Variants in CSMD1 observed in about 807,000 individuals in gnomAD.
The protein encoded by CSMD1 is CUB and Sushi multiple domains 1.
In CSMD1, 213 loss-of-function variants were observed where a neutral mutation model predicts 417.5. The ratio of observed to expected loss-of-function variants is 0.51; its 90% CI spans 0.46 to 0.57. The LOEUF is 0.57. CSMD1 is among the 20% of genes least tolerant of loss of function. The pLI, the probability that CSMD1 is intolerant of heterozygous loss-of-function variation, is 0.00. For synonymous variants in CSMD1, 2,862 were observed against 1,736.8 expected (o/e 1.65, Z -16.11); for missense variants, 6,923 against 4,529.7 (o/e 1.53, Z -15.17).
intron 1 of CSMD1, among the ~76,000 whole-genome samples, chr8:4,941,396 G>A (rs1807990908): frequency 6.6e-6 from 1 of 152,090 alleles, no homozygotes; most frequent in African/African-American, 2.4e-5. Flanking sequence ...GATGGTCTAA[G>A]ATATTTGTGA....
chr8:3,423,915 T>C (rs73657896), intron 12 of CSMD1, among the ~76,000 whole-genome samples: 2,323 of 152,206 alleles, frequency 0.015, 68 homozygotes, highest in African/African-American at 0.053. Flanking sequence ...GACCCTCAAA[T>C]AAACACACAC....
At chr8:4,842,026 AG>A (rs1241914136) in intron 1 of CSMD1, among the ~76,000 whole-genome samples, 1 of 151,874 alleles carries the variant, frequency 6.6e-6, no homozygotes, top group Non-Finnish European at 1.5e-5. Context: ...CAATTTTTCA[AG>A]GGAGCTGAGA....
intron 12 of CSMD1, among the ~76,000 whole-genome samples, chr8:3,456,923 G>GA (rs1816186406): frequency 6.6e-6 from 1 of 151,882 alleles, no homozygotes; most frequent in South Asian, 2.1e-4. Context: ...CTTCATGCTG[G>GA]AGCCCTCCTG....
At chr8:4,816,176 A>G (rs986757566) in intron 1 of CSMD1, among the ~76,000 whole-genome samples, 1 of 150,030 alleles carries the variant, frequency 6.7e-6, no homozygotes, top group Non-Finnish European at 1.5e-5. Flanking sequence ...TGGTCACTAA[A>G]TCACACTTGT....
intron 50 of CSMD1, among the ~76,000 whole-genome samples, chr8:3,040,639 C>A (rs1214893819): frequency 6.6e-6 from 1 of 151,874 alleles, no homozygotes; most frequent in African/African-American, 2.4e-5. Context: ...CCCGTCTCTA[C>A]TAAAAATACA....
intron 10 of CSMD1, among the ~76,000 whole-genome samples, chr8:3,525,263 A>G (rs983503887): frequency 6.6e-6 from 1 of 152,172 alleles, no homozygotes; most frequent in African/African-American, 2.4e-5. Context: ...GGTCCTTAAA[A>G]GCACTCAGGA....
At chr8:4,037,090 G>C (rs1355889650) in intron 3 of CSMD1, among the ~76,000 whole-genome samples, 1 of 151,954 alleles carries the variant, frequency 6.6e-6, no homozygotes. Flanking sequence ...ACCCAAAACT[G>C]GAATAATTGG....
rs186002292 is a variant in CSMD1 at position 3,842,294 on chromosome 8, T to C, written c.819-88252A>G. On this transcript the variant is annotated intron_variant, in intron 5 of 69. Transcript: ENST00000635120. ...AATCTTCTTATGAGGTTCTTTCACT[T>C]TTCATTCCAGTAGTTTCTATTGGTA... Among the ~76,000 whole-genome samples, 6 of 152,238 alleles carry C rather than the reference T, an allele frequency of 3.9e-5. No homozygotes were observed. In the East Asian group the frequency reaches 1.2e-3, roughly 29 times the overall value.
chr8:3,553,237 T>A (rs962324396), intron 10 of CSMD1, among the ~76,000 whole-genome samples: 2 of 152,174 alleles, frequency 1.3e-5, no homozygotes, highest in African/African-American at 4.8e-5. Context: ...CTAGGTAGGC[T>A]TTCAGTAATG....
chr8:3,482,795 G>A (rs1367787149), intron 11 of CSMD1, among the ~76,000 whole-genome samples: 1 of 151,910 alleles, frequency 6.6e-6, no homozygotes, highest in Admixed American at 6.6e-5. Context: ...TGATCACAAA[G>A]GAATCAAACT....
At chr8:4,733,841 C>T (rs370045933) in intron 1 of CSMD1, among the ~76,000 whole-genome samples, 7 of 152,120 alleles carry the variant, frequency 4.6e-5, no homozygotes, top group African/African-American at 1.2e-4. Flanking sequence ...TATCACTGAC[C>T]ATTACAAGAA....
rs1203485949 is a variant in CSMD1, at chr8:4,092,309, G to C, written c.416-60210C>G. On this transcript the variant is annotated intron_variant, in intron 3 of 69. Transcript: ENST00000635120. The stretch of plus-strand genomic sequence containing the variant: ...GGAAACCCGAGGGCAACATTTCCTG[G>C]CTTCGTCCTTTCCTGTGTCTGATGC... Among the ~76,000 whole-genome samples the C allele has an allele frequency of 3.3e-5, 5 of 152,194 alleles. No individual in the cohort carries two copies. The South Asian group carries it at 1.0e-3, about 32-fold the overall frequency.
chr8:3,342,945 T>C (rs1387318650), intron 23 of CSMD1, among the ~76,000 whole-genome samples: 1 of 152,026 alleles, frequency 6.6e-6, no homozygotes, highest in Admixed American at 6.6e-5. Flanking sequence ...TCCGGTTGTA[T>C]CAAACATCTC....
rs557997824 is a variant in CSMD1, at chr8:4,267,136, T to C, written c.415+152817A>G. 4.2e-4 allele frequency among the ~76,000 whole-genome samples: 43 copies of C among 103,370 alleles called. 10 individuals are homozygous for C. Among genetic ancestry groups the C allele is most frequent in the African/African-American group, 1.1e-3 (43 of 38,274 alleles). The allele number at this position is 103,370 out of a possible 152,430, so 67.8% of individuals were successfully genotyped here. A position where few individuals can be genotyped will look rare whatever the true frequency, so the allele number is the denominator to read the frequency against. On this transcript the variant is annotated intron_variant, in intron 3 of 69. Coordinates refer to ENST00000635120, the MANE Select transcript of CSMD1 (RefSeq NM_033225.6). ...TTTCTAATGCAATTAGTTGGGAGAA[T>C]TAAATAAGTATAATTATTTGAAACA...
At chr8:3,201,829 T>G in intron 31 of CSMD1, 104 bp from the exon 32 acceptor site, 1 of 445,378 alleles carries the variant, frequency 2.2e-6, no homozygotes, top group Non-Finnish European at 3.7e-6. Flanking sequence ...TGGATCATTA[T>G]CCTAAGAATT....
chr8:3,188,110 C>T (rs756506044), intron 35 of CSMD1, 145 bp from the exon 36 acceptor site: 1 of 266,064 alleles, frequency 3.8e-6, no homozygotes, highest in Non-Finnish European at 7.0e-6. Flanking sequence ...ACATATACAC[C>T]TTAATAATGC....
At chr8:4,985,017 AATACCAT>A (rs1159234645) in intron 1 of CSMD1, among the ~76,000 whole-genome samples, 1 of 152,226 alleles carries the variant, frequency 6.6e-6, no homozygotes, top group Admixed American at 6.5e-5. Context: ...GTAGCCATGG[AATACCAT>A]GCAGCCATAA....
chr8:4,118,223 G>T (rs563534365), intron 3 of CSMD1, among the ~76,000 whole-genome samples: 1 of 152,176 alleles, frequency 6.6e-6, no homozygotes, highest in East Asian at 1.9e-4. Flanking sequence ...TAAATTTTTA[G>T]CACATGCTTT....
chr8:4,015,781 G>C lies in CSMD1; in HGVS notation c.610+16124C>G, dbSNP rs956471419. Among the ~76,000 whole-genome samples the C allele has an allele frequency of 4.6e-5, 7 of 151,404 alleles. No homozygotes were observed. The South Asian group carries it at 8.4e-4, about 18-fold the overall frequency. On this transcript the variant is annotated intron_variant, in intron 4 of 69. Transcript: ENST00000635120. ...AGGTGAATACTTATCTTAAATGTAT[G>C]TGTTCAGACAAAAACAAGGGTGAAA... is the stretch of plus-strand genomic sequence containing the variant.
Sources: allele counts gnomAD v4.1 joint callset (sites outside exome capture counted in the v4.1 genomes callset), GRCh38; gene constraint gnomAD v4.1.1; transcripts MANE v1.5; gene names NCBI Gene and HGNC (gene_info 2026-07-23, HGNC 2026-07-21).